The following GPC5 variants were observed in gnomAD, a reference collection of about 807,000 sequenced individuals.
GPC5 encodes glypican-5.
A neutral mutation model predicts 53.9 loss-of-function variants in GPC5; 47 were observed. The observed-to-expected ratio is 0.87, with a 90% CI of 0.69 to 1.11. The LOEUF (loss-of-function observed/expected upper bound fraction) is 1.11, where lower values mean the gene tolerates loss of function less well. Ranked by LOEUF, GPC5 falls within the 50% of genes most tolerant of loss-of-function variation. The pLI is 0.00. For synonymous variants in GPC5, 286 were observed against 263.3 expected, an observed-to-expected ratio of 1.09 and a Z score of -0.84; for missense variants, 748 against 713.1, an observed-to-expected ratio of 1.05 and a Z score of -0.56.
Position 91,424,955 on chromosome 13 carries a change from A to C in GPC5, c.164-23806A>C, listed in dbSNP as rs1257925171. ...TTTTGGGGACTTAGTTAAACCCTTG[A>C]CTAGGATTCAATTAATACTAGAATC... On this transcript the variant is annotated intron_variant, in intron 1 of 7. Coordinates refer to ENST00000377067, the MANE Select transcript of GPC5 (RefSeq NM_004466.6). Among the ~76,000 whole-genome samples the C allele has an allele frequency of 3.3e-5, 5 of 152,332 alleles. No homozygotes were observed. The East Asian group carries it at 9.6e-4, about 29-fold the overall frequency.
At chr13:92,435,128 TG>T in intron 7 of GPC5, among the ~76,000 whole-genome samples, 1 of 152,264 alleles carries the variant, frequency 6.6e-6, no homozygotes, top group Non-Finnish European at 1.5e-5. Flanking sequence ...TTGACCAAGT[TG>T]GTCCTGAACT....
chr13:92,748,648 G>A (rs779147860), intron 7 of GPC5, among the ~76,000 whole-genome samples: 4 of 151,948 alleles, frequency 2.6e-5, no homozygotes, highest in Non-Finnish European at 5.9e-5. Context: ...TAATTTTTCT[G>A]AAGCCTGAGA....
At chr13:91,536,398 C>T (rs902330514) in intron 2 of GPC5, among the ~76,000 whole-genome samples, 1 of 152,156 alleles carries the variant, frequency 6.6e-6, no homozygotes, top group Non-Finnish European at 1.5e-5. Context: ...GCCTACATTC[C>T]TGGCAATGAA....
At chr13:91,664,609 T>A (rs10492611) in intron 2 of GPC5, among the ~76,000 whole-genome samples, 38,363 of 152,190 alleles carry the variant, frequency 0.25, 6,716 homozygotes, top group African/African-American at 0.49. Flanking sequence ...ATTCATTCTG[T>A]ATATACATGG....
At chr13:92,753,392 GA>G (rs1348586117) in intron 7 of GPC5, among the ~76,000 whole-genome samples, 2 of 152,178 alleles carry the variant, frequency 1.3e-5, no homozygotes, top group African/African-American at 2.4e-5. Flanking sequence ...AAACAGAACA[GA>G]AAAACTGGAA....
chr13:92,529,005 C>A (rs1881461247), intron 7 of GPC5, among the ~76,000 whole-genome samples: 1 of 151,964 alleles, frequency 6.6e-6, no homozygotes, highest in Admixed American at 6.6e-5. Context: ...CAGTGTCAAT[C>A]CATTTTACAT....
In GPC5 at chr13:92,308,878, T is replaced by C. The variant is rs16947326; in HGVS notation, c.1561+163889T>C. ...TTCAATTGACTTTCTGTCTGCTTAA[T>C]AAATATTGATATATTGGATACATTC... On this transcript the variant is annotated intron_variant, in intron 7 of 7. Coordinates refer to ENST00000377067, the MANE Select transcript of GPC5 (RefSeq NM_004466.6). Among the ~76,000 whole-genome samples, 1,401 of 152,264 alleles carry C rather than the reference T, an allele frequency of 9.2e-3. 26 individuals are homozygous for C. The highest frequency in any genetic ancestry group is 0.032 in the African/African-American group (1,346 of 41,578).
Position 91,572,385 on chromosome 13 carries a change from A to C in GPC5, c.326-120802A>C, listed in dbSNP as rs1385001093. 2.0e-5 allele frequency among the ~76,000 whole-genome samples: 3 copies of C among 151,904 alleles called. No homozygotes were observed. The East Asian group carries it at 5.8e-4, about 30-fold the overall frequency. On this transcript the variant is annotated intron_variant, in intron 2 of 7. Coordinates refer to ENST00000377067, the MANE Select transcript of GPC5 (RefSeq NM_004466.6). ...TTGTGTTGTTACAAGGGAATATCTG[A>C]GACAGGGTGATCTATAAAGAAAAAA...
At chr13:91,972,303 G>A (rs1247538833) in intron 6 of GPC5, among the ~76,000 whole-genome samples, 1 of 151,576 alleles carries the variant, frequency 6.6e-6, no homozygotes, top group Non-Finnish European at 1.5e-5. Flanking sequence ...GCCTTTTTTT[G>A]TTTTCCATTT....
At chr13:92,398,628 G>A (rs529275730) in intron 7 of GPC5, among the ~76,000 whole-genome samples, 1 of 151,776 alleles carries the variant, frequency 6.6e-6, no homozygotes, top group Admixed American at 6.6e-5. Context: ...TCAACTCCCT[G>A]GTAAACTCAC....
intron 7 of GPC5, among the ~76,000 whole-genome samples, chr13:92,174,184 T>A (rs373190335): frequency 1.3e-5 from 2 of 151,894 alleles, no homozygotes; most frequent in Non-Finnish European, 2.9e-5. Context: ...ATTAAAAAAA[T>A]ATGTGTCTAT....
At chr13:91,482,319 A>G (rs1331105980) in intron 2 of GPC5, among the ~76,000 whole-genome samples, 1 of 152,132 alleles carries the variant, frequency 6.6e-6, no homozygotes, top group African/African-American at 2.4e-5. Context: ...TTGGAATCAG[A>G]GACTCAGCCC....
At chr13:92,058,066 A>T (rs1432837689) in intron 6 of GPC5, among the ~76,000 whole-genome samples, 1 of 152,236 alleles carries the variant, frequency 6.6e-6, no homozygotes, top group Non-Finnish European at 1.5e-5. Context: ...CTGACTATGA[A>T]TTCCAGAGAC....
At chr13:92,099,173 CAG>C (rs1364433895) in intron 6 of GPC5, among the ~76,000 whole-genome samples, 6 of 152,094 alleles carry the variant, frequency 3.9e-5, no homozygotes. Context: ...TATTTTTAAC[CAG>C]AGTTTCCCAA....
chr13:92,234,721 G>A (rs888477118), intron 7 of GPC5, among the ~76,000 whole-genome samples: 2 of 152,046 alleles, frequency 1.3e-5, no homozygotes, highest in Non-Finnish European at 2.9e-5. Flanking sequence ...GGTGATAAGG[G>A]TTATTTATTT....
chr13:92,550,951 C>T (rs945201782), intron 7 of GPC5, among the ~76,000 whole-genome samples: 2 of 151,736 alleles, frequency 1.3e-5, no homozygotes, highest in African/African-American at 2.4e-5. Context: ...ATATCCCTAC[C>T]GATGTTTGAG....
intron 7 of GPC5, among the ~76,000 whole-genome samples, chr13:92,521,643 C>A (rs569595259): frequency 4.6e-5 from 7 of 152,180 alleles, no homozygotes; most frequent in Non-Finnish European, 8.8e-5. Flanking sequence ...GGATTAAAGA[C>A]TTAAATGTTA....
Position 91,400,978 on chromosome 13 carries a change from C to T in GPC5, c.163+1769C>T, listed in dbSNP as rs114036035. Among the ~76,000 whole-genome samples the T allele has an allele frequency of 2.1e-3, 315 of 152,306 alleles. 1 individual carries two copies. Among genetic ancestry groups the T allele is most frequent in the African/African-American group, 7.2e-3 (300 of 41,564 alleles). ...AGGAATCTTTCTTTTCTAAGTCACT[C>T]TGGATTGTTTCCCCATTGCTAGTAG... is the stretch of plus-strand genomic sequence containing the variant. On this transcript the variant is annotated intron_variant, in intron 1 of 7. Transcript: ENST00000377067.
chr13:91,874,421 C>T (rs2039180441), intron 5 of GPC5, among the ~76,000 whole-genome samples: 1 of 151,982 alleles, frequency 6.6e-6, no homozygotes, highest in African/African-American at 2.4e-5. Flanking sequence ...TAATTTTTAA[C>T]ATTTGTATAT....
Sources: gnomAD v4.1 joint callset for allele counts (sites outside exome capture counted in the v4.1 genomes callset) on GRCh38, gnomAD v4.1.1 for gene constraint, MANE v1.5 for transcripts, NCBI Gene and HGNC (gene_info 2026-07-23, HGNC 2026-07-21) for gene names.